EDC4: variants seen among roughly 807,000 people sequenced by gnomAD.
The protein encoded by EDC4 is enhancer of mRNA decapping 4.
EDC4 carries 64 observed loss-of-function variants against 155.8 expected under a neutral mutation model. That is an observed-to-expected ratio of 0.41 (90% CI 0.34 to 0.51). The LOEUF is 0.51. EDC4 is among the 20% of genes least tolerant of loss of function. EDC4 has a pLI of 0.19. For missense variants in EDC4, 1,303 were observed against 1,812.5 expected, an observed-to-expected ratio of 0.72 and a Z score of 5.10; for synonymous variants, 684 against 716.8, an observed-to-expected ratio of 0.95 and a Z score of 0.73.
Position 67,877,351 on chromosome 16 carries a change from G to T in EDC4, c.586G>T (p.Asp196Tyr), listed in dbSNP as rs1380360382. The T allele has an allele frequency of 1.2e-6, 2 of 1,613,896 alleles. No individual in the cohort carries two copies. The highest frequency in any genetic ancestry group is 1.7e-6 in the Non-Finnish European group (2 of 1,180,046). ...HLNSPQLACL[D>Y]EAGNLFVWRL... is the part of the protein sequence containing the mutation. Reference sequence around the variant, plus strand: ...CAACTCTCCACAGCTGGCCTGCCTGGATGAGGCAGGCAACCTGTTCGTGTG... The same window carrying T: ...CAACTCTCCACAGCTGGCCTGCCTGTATGAGGCAGGCAACCTGTTCGTGTG... Residue 196 changes from aspartate (D) to tyrosine (Y), a missense_variant, in exon 5 of 29, where the codon GAT becomes TAT. By Grantham distance (160) the Asp-to-Tyr change is radical (BLOSUM62 -3). Around this residue, in one of 5 missense-constraint regions of EDC4, gnomAD observed 235 missense variants for 367.7 expected, o/e 0.64. Coordinates refer to ENST00000358933, the MANE Select transcript of EDC4 (RefSeq NM_014329.5). The surrounding 1 kb of genome is among the most constrained non-coding windows in gnomAD (Gnocchi z 4.9).
rs1174063773 is a variant in EDC4 at position 67,879,392 on chromosome 16, T to TC, written c.1542-15dup. On this transcript the variant is annotated intron_variant, in intron 13 of 28. Coordinates refer to ENST00000358933, the MANE Select transcript of EDC4 (RefSeq NM_014329.5). The surrounding 1 kb of genome is among the most constrained non-coding windows in gnomAD (Gnocchi z 6.0). Reference sequence around the variant, plus strand: ...CCCTTGCCCTTGGAGCACTTTATTCTCCCCCTTCTTTTCCTGCAGGGCACT... The same window carrying TC: ...CCCTTGCCCTTGGAGCACTTTATTCTCCCCCCTTCTTTTCCTGCAGGGCACT... 8 of 1,614,020 alleles carry TC rather than the reference T, an allele frequency of 5.0e-6. No individual in the cohort carries two copies. Among genetic ancestry groups the TC allele is most frequent in the African/African-American group, 4.0e-5 (3 of 74,900 alleles).
chr16:67,882,469 T>C lies in EDC4; in HGVS notation c.3317T>C (p.Leu1106Ser). The C allele has an allele frequency of 1.2e-6, 2 of 1,614,120 alleles. No homozygotes were observed. Among genetic ancestry groups the C allele is most frequent in the Non-Finnish European group, 1.7e-6 (2 of 1,180,006 alleles). Residue 1106 changes from leucine (L) to serine (S), a missense_variant, in exon 25 of 29, where the codon TTA (leucine) becomes TCA (serine). This residue lies in a region of EDC4 where 527 missense variants were observed against 757.0 expected (regional missense o/e 0.70). Transcript: ENST00000358933. This position sits in a 1 kb window ranked among gnomAD's most constrained non-coding sequence, Gnocchi z 7.2. Reference sequence around the variant, plus strand: ...ATCGCCCGAGCAGCTGCAGACACATTACAAGGGCCGATGCAGGCTGCCTAC... The same window carrying C: ...ATCGCCCGAGCAGCTGCAGACACATCACAAGGGCCGATGCAGGCTGCCTAC... ...DAIARAAADT[L>S]QGPMQAAYRE...
chr16:67,882,633 C>T lies in EDC4; in HGVS notation c.3442+39C>T, dbSNP rs1567392024. ...TATGGCCCAAGGTGGGAGGGGTTATCCTCTTTCCTACTGTTCCTCTTATAG... is the reference window on the plus strand; with the variant it reads ...TATGGCCCAAGGTGGGAGGGGTTATTCTCTTTCCTACTGTTCCTCTTATAG... On this transcript the variant is annotated intron_variant, in intron 25 of 28. Transcript: ENST00000358933. This position sits in a 1 kb window ranked among gnomAD's most constrained non-coding sequence, Gnocchi z 7.2. 7 of 1,614,196 alleles carry T rather than the reference C, an allele frequency of 4.3e-6. No homozygotes were observed. The highest frequency in any genetic ancestry group is 1.3e-5 in the African/African-American group (1 of 75,036).
In EDC4 at chr16:67,881,917, C is replaced by T. The variant is rs201117225; in HGVS notation, c.3005-37C>T. ...CATTCTTGGCCTGGGAAGGAGTACA[C>T]GACCTGCTCCAGGCCCGTTCCTTAG... On this transcript the variant is annotated intron_variant, in intron 22 of 28. Transcript: ENST00000358933. This position sits in a 1 kb window ranked among gnomAD's most constrained non-coding sequence, Gnocchi z 5.4. 66 of 1,602,536 alleles carry T rather than the reference C, an allele frequency of 4.1e-5. 1 individual carries two copies. The highest frequency in any genetic ancestry group is 3.3e-4 in the Middle Eastern group (2 of 6,044).
Position 67,881,258 on chromosome 16 carries a change from C to A in EDC4, c.2637-7C>A. ...CAGGGGCTTACTCCTCCTTCCCCTT[C>A]CCACAGTGACCATGATGATGAGGTG... On this transcript the variant is annotated splice_region_variant and splice_polypyrimidine_tract_variant and intron_variant, in intron 19 of 28. Transcript: ENST00000358933. The surrounding 1 kb of genome is among the most constrained non-coding windows in gnomAD (Gnocchi z 5.4). The A allele has an allele frequency of 6.2e-7, 1 of 1,614,032 alleles. No individual in the cohort carries two copies. Among genetic ancestry groups the A allele is most frequent in the Admixed American group, 1.7e-5 (1 of 60,016 alleles).
Position 67,883,328 on chromosome 16 carries a change from C to T in EDC4, c.3849+151C>T. 7.4e-7 allele frequency: 1 copy of T among 1,347,136 alleles called. No individual in the cohort carries two copies. Among genetic ancestry groups the T allele is most frequent in the Non-Finnish European group, 9.9e-7 (1 of 1,005,996 alleles). 83.4% of individuals were successfully genotyped at this position (1,347,136 alleles called of 1,614,324 possible). On this transcript the variant is annotated intron_variant, in intron 27 of 28. Transcript: ENST00000358933. The surrounding 1 kb of genome is among the most constrained non-coding windows in gnomAD (Gnocchi z 5.3). ...GGCCTCCAGGCCATTGTCCCTGCTG[C>T]TTCCTCTTCCTGGACCCCTTTCTTC...
chr16:67,877,926 G>T lies in EDC4; in HGVS notation c.894+81G>T. ...CTGTTCCCTATATCCACAGCTGCCC[G>T]GGCAGCTTTACTAGCATTCTGCCCG... On this transcript the variant is annotated intron_variant, in intron 7 of 28. Coordinates refer to ENST00000358933, the MANE Select transcript of EDC4 (RefSeq NM_014329.5). This position sits in a 1 kb window ranked among gnomAD's most constrained non-coding sequence, Gnocchi z 4.9. 6.4e-7 allele frequency: 1 copy of T among 1,571,146 alleles called. No individual in the cohort carries two copies. Among genetic ancestry groups the T allele is most frequent in the Non-Finnish European group, 8.6e-7 (1 of 1,156,230 alleles).
chr16:67,881,826 G>A lies in EDC4; in HGVS notation c.2985G>A (p.Glu995=), dbSNP rs748814168. The part of the protein sequence containing the change: ...TVTGHVERAL[E]TRHEQEQRRL... ...CAGGCCACGTAGAACGTGCCCTTGA[G>A]ACTCGGCACGAGCAGGAACGTATCC... The change falls in exon 22 of 29, where the codon GAG becomes GAA. Residue 995 remains glutamate (E), a synonymous_variant. Coordinates refer to ENST00000358933, the MANE Select transcript of EDC4 (RefSeq NM_014329.5). The surrounding 1 kb of genome is among the most constrained non-coding windows in gnomAD (Gnocchi z 5.4). 22 of 1,613,742 alleles carry A rather than the reference G, an allele frequency of 1.4e-5. No individual in the cohort carries two copies. The South Asian group carries it at 2.3e-4, about 17-fold the overall frequency.
Position 67,878,578 on chromosome 16 carries a change from C to T in EDC4, c.1131C>T (p.Asn377=), listed in dbSNP as rs1202256695. The change falls in exon 10 of 29, where the codon AAC becomes AAT. Residue 377 remains asparagine (N), a synonymous_variant. Coordinates refer to ENST00000358933, the MANE Select transcript of EDC4 (RefSeq NM_014329.5). The surrounding 1 kb of genome is among the most constrained non-coding windows in gnomAD (Gnocchi z 5.2). The part of the protein sequence containing the change: ...WRFLITGADQ[N]RELKMWCTVS... ...TCCTTATTACTGGTGCTGACCAGAA[C>T]CGAGAGTTAAAGATGTGGTGTACAG... 2 of 1,614,218 alleles carry T rather than the reference C, an allele frequency of 1.2e-6. No individual in the cohort carries two copies. The highest frequency in any genetic ancestry group is 1.7e-6 in the Non-Finnish European group (2 of 1,180,052).
At position 67,880,090 on chromosome 16, in the gene EDC4, C is replaced by G; in HGVS notation, c.1971C>G (p.Pro657=). 1 of 1,610,576 alleles carries G rather than the reference C, an allele frequency of 6.2e-7. No homozygotes were observed. Residue 657 remains proline (P), a synonymous_variant, in exon 17 of 29, where the codon CCC becomes CCG. Coordinates refer to ENST00000358933, the MANE Select transcript of EDC4 (RefSeq NM_014329.5). This position sits in a 1 kb window ranked among gnomAD's most constrained non-coding sequence, Gnocchi z 5.2. ...CACCTGAGGAGCTGACCTTGAGCCC[C>G]AAGCTGCAGCTGGATGGCAGCCTGA... ...TRPPEELTLS[P]KLQLDGSLTM... is the part of the protein sequence containing the mutation.
chr16:67,883,908 C>A lies in EDC4; in HGVS notation c.4014-48C>A. 6.5e-7 allele frequency: 1 copy of A among 1,549,304 alleles called. No individual in the cohort carries two copies. Among genetic ancestry groups the A allele is most frequent in the South Asian group, 1.2e-5 (1 of 83,314 alleles). ...CCTCGGTGCCACCAGGGGGCGCTCCCGTCTGCTGGCACCCACCTGTAGCCT... is the reference window on the plus strand; with the variant it reads ...CCTCGGTGCCACCAGGGGGCGCTCCAGTCTGCTGGCACCCACCTGTAGCCT... On this transcript the variant is annotated intron_variant, in intron 28 of 28. Coordinates refer to ENST00000358933, the MANE Select transcript of EDC4 (RefSeq NM_014329.5). The surrounding 1 kb of genome is among the most constrained non-coding windows in gnomAD (Gnocchi z 5.3).
chr16:67,883,436 G>A lies in EDC4; in HGVS notation c.3850-132G>A. ...CTAGGGTAACTACACAGCCCTACAG[G>A]CTCTCTCTGAGTCCCTCTGGAGCTC... On this transcript the variant is annotated intron_variant, in intron 27 of 28. Coordinates refer to ENST00000358933, the MANE Select transcript of EDC4 (RefSeq NM_014329.5). The surrounding 1 kb of genome is among the most constrained non-coding windows in gnomAD (Gnocchi z 5.3). 1.4e-6 allele frequency: 2 copies of A among 1,415,996 alleles called. No individual in the cohort carries two copies. Among genetic ancestry groups the A allele is most frequent in the Non-Finnish European group, 1.9e-6 (2 of 1,036,658 alleles). 87.7% of individuals were successfully genotyped at this position (1,415,996 alleles called of 1,614,324 possible). A position where few individuals can be genotyped will look rare whatever the true frequency, so the allele number is the denominator to read the frequency against.
At chr16:67,875,280 GCTT>G (rs2058036817) in intron 1 of EDC4, among the ~76,000 whole-genome samples, 1 of 152,162 alleles carries the variant, frequency 6.6e-6, no homozygotes, top group Admixed American at 6.5e-5. Context: ...GCCCAAGATA[GCTT>G]CTTCTGAGCC....
Position 67,880,412 on chromosome 16 carries a change from T to C in EDC4, c.2098-145T>C, listed in dbSNP as rs1023345170. On this transcript the variant is annotated intron_variant, in intron 17 of 28. Transcript: ENST00000358933. This position sits in a 1 kb window ranked among gnomAD's most constrained non-coding sequence, Gnocchi z 5.2. ...GCCTCCCTGTCCCCACCTCCTCTTCTTGGCTGTGGCCTCGTTTTTGACCTG... is the reference window on the plus strand; with the variant it reads ...GCCTCCCTGTCCCCACCTCCTCTTCCTGGCTGTGGCCTCGTTTTTGACCTG... 3 of 1,361,056 alleles carry C rather than the reference T, an allele frequency of 2.2e-6. No individual in the cohort carries two copies. The highest frequency in any genetic ancestry group is 2.9e-5 in the African/African-American group (2 of 68,996). The allele number at this position is 1,361,056 out of a possible 1,614,324, so 84.3% of individuals were successfully genotyped here. A position where few individuals can be genotyped will look rare whatever the true frequency, so the allele number is the denominator to read the frequency against.
rs1445211712 is a variant in EDC4 at position 67,877,010 on chromosome 16, G to C, written c.451+38G>C. On this transcript the variant is annotated intron_variant, in intron 4 of 28. Transcript: ENST00000358933. This position sits in a 1 kb window ranked among gnomAD's most constrained non-coding sequence, Gnocchi z 4.9. ...AGTGAGGAGGAAGGAATGTTCTGCT[G>C]GATGTCCCACAGAGCCAGTTCCAAC... is the stretch of plus-strand genomic sequence containing the variant. 4 of 1,609,764 alleles carry C rather than the reference G, an allele frequency of 2.5e-6. No homozygotes were observed. The highest frequency in any genetic ancestry group is 3.4e-6 in the Non-Finnish European group (4 of 1,177,662).
In EDC4 at chr16:67,878,013, C is replaced by T; in HGVS notation, c.895-153C>T. 6.7e-7 allele frequency: 1 copy of T among 1,482,946 alleles called. No homozygotes were observed. The highest frequency in any genetic ancestry group is 1.3e-5 in the South Asian group (1 of 75,894). The allele number at this position is 1,482,946 out of a possible 1,614,324, so 91.9% of individuals were successfully genotyped here. A position where few individuals can be genotyped will look rare whatever the true frequency, so the allele number is the denominator to read the frequency against. Reference sequence around the variant, plus strand: ...AGCTTTCTCCTTATCTAGCAGCACCCTGCAGGTCTGGCCTTCTCTAGGAAC... The same window carrying T: ...AGCTTTCTCCTTATCTAGCAGCACCTTGCAGGTCTGGCCTTCTCTAGGAAC... On this transcript the variant is annotated intron_variant, in intron 7 of 28. Transcript: ENST00000358933. The surrounding 1 kb of genome is among the most constrained non-coding windows in gnomAD (Gnocchi z 5.2).
At chr16:67,875,577 C>G (rs944602975) in intron 1 of EDC4, 2 of 241,110 alleles carry the variant, frequency 8.3e-6, no homozygotes. Context: ...TTCACTCCAT[C>G]CTTCCTGTGT....
At chr16:67,874,244 A>T (rs1181714076) in intron 1 of EDC4, among the ~76,000 whole-genome samples, 1 of 152,174 alleles carries the variant, frequency 6.6e-6, no homozygotes, top group East Asian at 1.9e-4. Context: ...TAGTTTACTG[A>T]CAGGTTTAGG....
In EDC4 at chr16:67,876,417, G is replaced by A. The variant is rs1322675380; in HGVS notation, c.240-71G>A. 22 of 1,575,268 alleles carry A rather than the reference G, an allele frequency of 1.4e-5. No individual in the cohort carries two copies. Among genetic ancestry groups the A allele is most frequent in the East Asian group, 9.0e-5 (4 of 44,204 alleles). On this transcript the variant is annotated intron_variant, in intron 2 of 28. Coordinates refer to ENST00000358933, the MANE Select transcript of EDC4 (RefSeq NM_014329.5). The surrounding 1 kb of genome is among the most constrained non-coding windows in gnomAD (Gnocchi z 5.8). The stretch of plus-strand genomic sequence containing the variant: ...CCTTCCCCAGTCTGGCTATGTCCTC[G>A]CTTCCTCCCAACCCTGCCCGCTGAG...
Sources: allele counts gnomAD v4.1 joint callset (sites outside exome capture counted in the v4.1 genomes callset), GRCh38; gene constraint gnomAD v4.1.1; regional missense constraint gnomAD v4.1.1; non-coding constraint Gnocchi (gnomAD v3.1); transcripts MANE v1.5; gene names NCBI Gene and HGNC (gene_info 2026-07-23, HGNC 2026-07-21).